The following OSBPL9 variants were observed in gnomAD, a reference collection of about 807,000 sequenced individuals.
OSBPL9 encodes oxysterol binding protein like 9, also known as oxysterol-binding protein-related protein 9.
A neutral mutation model predicts 106.6 loss-of-function variants in OSBPL9; 40 were observed. That is an observed-to-expected ratio of 0.38 (90% CI 0.29 to 0.49). The LOEUF (loss-of-function observed/expected upper bound fraction) is 0.49. Ranked by LOEUF, OSBPL9 falls within the 20% of genes least tolerant of loss-of-function variation. The probability of loss-of-function intolerance (pLI) is 0.97; values close to 1 mark genes in which losing one functional copy is unlikely to be tolerated. For synonymous variants in OSBPL9, 269 were observed against 295.4 expected, an observed-to-expected ratio of 0.91 and a Z score of 0.92; for missense variants, 609 against 887.2, an observed-to-expected ratio of 0.69 and a Z score of 3.98.
the OSBPL9 span, among the ~76,000 whole-genome samples, chr1:51,546,706 A>G: frequency 3.3e-5 from 5 of 152,018 alleles, no homozygotes; most frequent in South Asian, 2.1e-4. Flanking sequence ...CAAAAAAAAA[A>G]AACAAAAAAC....
chr1:51,548,604 G>A, the OSBPL9 span, among the ~76,000 whole-genome samples: 1 of 151,862 alleles, frequency 6.6e-6, no homozygotes, highest in African/African-American at 2.4e-5. Flanking sequence ...TGCCCAGGCT[G>A]GTCTAGAACT....
At chr1:51,548,148 G>T in the OSBPL9 span, among the ~76,000 whole-genome samples, 8 of 152,296 alleles carry the variant, frequency 5.3e-5, no homozygotes, top group Non-Finnish European at 8.8e-5. Context: ...GTGTTCAAAA[G>T]ATGTGTCCTG....
chr1:51,694,471 C>T (rs1209142441), intron 3 of OSBPL9, among the ~76,000 whole-genome samples: 1 of 152,128 alleles, frequency 6.6e-6, no homozygotes, highest in Non-Finnish European at 1.5e-5. Context: ...TTTTAGATAA[C>T]TGCGAATATT....
the OSBPL9 span, among the ~76,000 whole-genome samples, chr1:51,522,629 A>C: frequency 6.6e-6 from 1 of 152,206 alleles, no homozygotes; most frequent in Non-Finnish European, 1.5e-5. Flanking sequence ...TAGCCAATCG[A>C]ATATATGTTA....
At chr1:51,579,737 T>C (rs1485919668) in intron 1 of OSBPL9, among the ~76,000 whole-genome samples, 1 of 151,886 alleles carries the variant, frequency 6.6e-6, no homozygotes, top group East Asian at 1.9e-4. Flanking sequence ...GGTGCATGCC[T>C]GTAGTCCCAG....
At chr1:51,595,725 T>C (rs1234470929) in intron 1 of OSBPL9, among the ~76,000 whole-genome samples, 2 of 152,162 alleles carry the variant, frequency 1.3e-5, no homozygotes, top group Non-Finnish European at 2.9e-5. Context: ...CCAGCATTTG[T>C]TGATTATTGT....
upstream of OSBPL9, among the ~76,000 whole-genome samples, chr1:51,576,344 C>T (rs1216893425): frequency 6.6e-6 from 1 of 152,172 alleles, no homozygotes; most frequent in East Asian, 1.9e-4. Flanking sequence ...GTGGATCCTG[C>T]TTCTCTGACC....
intron 4 of OSBPL9, among the ~76,000 whole-genome samples, chr1:51,741,315 T>C (rs571610620): frequency 1.2e-3 from 188 of 152,290 alleles, no homozygotes; most frequent in African/African-American, 4.4e-3. Context: ...CTGGATGATA[T>C]AGAAGTATGT....
chr1:51,735,900 C>T (rs1324683480), intron 4 of OSBPL9, among the ~76,000 whole-genome samples: 3 of 152,134 alleles, frequency 2.0e-5, no homozygotes, highest in Non-Finnish European at 4.4e-5. Flanking sequence ...TTCTTAAAAA[C>T]GTTTAGCCTT....
intron 3 of OSBPL9, among the ~76,000 whole-genome samples, chr1:51,705,139 T>C (rs1658150956): frequency 6.6e-6 from 1 of 151,796 alleles, no homozygotes; most frequent in South Asian, 2.1e-4. Flanking sequence ...TATTTGATGG[T>C]ATGTCTGAAA....
At chr1:51,640,634 T>A (rs1263925537) in intron 1 of OSBPL9, among the ~76,000 whole-genome samples, 4 of 152,146 alleles carry the variant, frequency 2.6e-5, no homozygotes, top group Non-Finnish European at 5.9e-5. Flanking sequence ...TGGGACTGAA[T>A]GGGCATATTT....
At chr1:51,545,148 G>A in the OSBPL9 span, among the ~76,000 whole-genome samples, 8,987 of 151,984 alleles carry the variant, frequency 0.059, 386 homozygotes, top group Non-Finnish European at 0.093. Flanking sequence ...CCGACCCAGA[G>A]ACATACTTAA....
the OSBPL9 span, among the ~76,000 whole-genome samples, chr1:51,520,531 A>G: frequency 5.9e-5 from 9 of 152,266 alleles, no homozygotes; most frequent in Admixed American, 4.6e-4. Context: ...TCACTGCTTT[A>G]TCTCCCTCAT....
chr1:51,785,978 A>C (rs1677523702), intron 21 of OSBPL9, 92 bp downstream of exon 21: 1 of 1,066,246 alleles, frequency 9.4e-7, no homozygotes, highest in African/African-American at 1.6e-5. Context: ...TTCCTTCATA[A>C]TGCATTTCCT....
chr1:51,693,019 A>G (rs1397792901), intron 3 of OSBPL9, among the ~76,000 whole-genome samples: 1 of 152,164 alleles, frequency 6.6e-6, no homozygotes, highest in African/African-American at 2.4e-5. Flanking sequence ...GTGACAAATT[A>G]TCACTTGTCC....
chr1:51,607,065 AAG>A (rs1491131404), intron 2 of OSBPL9, among the ~76,000 whole-genome samples: 5 of 152,062 alleles, frequency 3.3e-5, no homozygotes, highest in African/African-American at 4.8e-5. Flanking sequence ...AAAAGAAAAA[AAG>A]AAAAAATTTG....
At chr1:51,562,383 A>G in the OSBPL9 span, among the ~76,000 whole-genome samples, 12 of 152,120 alleles carry the variant, frequency 7.9e-5, no homozygotes, top group African/African-American at 2.9e-4. Context: ...TGGACACCTG[A>G]GGCCTCCCCA....
intron 2 of OSBPL9, among the ~76,000 whole-genome samples, chr1:51,604,015 T>C (rs1254533195): frequency 1.3e-5 from 2 of 152,164 alleles, no homozygotes; most frequent in African/African-American, 4.8e-5. Flanking sequence ...CTATACATCA[T>C]TGGTTCTGAT....
At chr1:51,646,724 G>A (rs1026380816) in intron 1 of OSBPL9, among the ~76,000 whole-genome samples, 7 of 152,038 alleles carry the variant, frequency 4.6e-5, no homozygotes, top group Non-Finnish European at 7.4e-5. Context: ...TAGTAGACAT[G>A]GGGTTTCACC....
Sources: gnomAD v4.1 joint callset for allele counts (sites outside exome capture counted in the v4.1 genomes callset) on GRCh38, gnomAD v4.1.1 for gene constraint, MANE v1.5 for transcripts, NCBI Gene and HGNC (gene_info 2026-07-23, HGNC 2026-07-21) for gene names.